The following PRUNE2 variants were observed in gnomAD, a reference collection of about 807,000 sequenced individuals.
The protein encoded by PRUNE2 is prune homolog 2 with BCH domain.
PRUNE2 carries 164 observed loss-of-function variants against 252.0 expected under a neutral mutation model. The observed-to-expected ratio is 0.65, with a 90% CI of 0.57 to 0.74. The LOEUF is 0.74. PRUNE2 is among the 30% of genes least tolerant of loss of function. PRUNE2 has a pLI of 0.00. For synonymous variants in PRUNE2, 1,292 were observed against 1,350.2 expected, an observed-to-expected ratio of 0.96 and a Z score of 0.94; for missense variants, 3,495 against 3,711.0, an observed-to-expected ratio of 0.94 and a Z score of 1.51.
At chr9:76,905,549 T>TC (rs1479488326) in intron 1 of PRUNE2, among the ~76,000 whole-genome samples, 2 of 152,232 alleles carry the variant, frequency 1.3e-5, no homozygotes, top group Non-Finnish European at 2.9e-5. Flanking sequence ...TCTCTTTTTT[T>TC]CCTTTTACAC....
intron 6 of PRUNE2, among the ~76,000 whole-genome samples, chr9:76,750,112 C>T (rs1469411188): frequency 2.6e-5 from 4 of 152,080 alleles, no homozygotes; most frequent in Non-Finnish European, 4.4e-5. Context: ...GGACCCTTCT[C>T]GACCCCTAGG....
At chr9:76,635,223 T>C (rs538805138) in intron 15 of PRUNE2, among the ~76,000 whole-genome samples, 4 of 152,272 alleles carry the variant, frequency 2.6e-5, no homozygotes. Flanking sequence ...CTGCCCGCCT[T>C]GGCCTCCCAA....
chr9:76,769,705 G>A (rs1448022766), intron 6 of PRUNE2, among the ~76,000 whole-genome samples: 4 of 152,184 alleles, frequency 2.6e-5, no homozygotes, highest in East Asian at 1.9e-4. Context: ...GATTACAGGC[G>A]TGAAACACTT....
At chr9:76,781,196 G>A (rs922250704) in intron 6 of PRUNE2, among the ~76,000 whole-genome samples, 9 of 152,098 alleles carry the variant, frequency 5.9e-5, no homozygotes, top group Admixed American at 2.0e-4. Context: ...TATTTGCATT[G>A]TTACCTGCTT....
chr9:76,611,416 A>G lies in PRUNE2; in HGVS notation c.*3154T>C, dbSNP rs1827404313. 6.6e-6 allele frequency: 1 copy of G among 152,248 alleles called. No homozygotes were observed. The highest frequency in any genetic ancestry group is 1.5e-5 in the Non-Finnish European group (1 of 68,050). 9.4% of individuals were successfully genotyped at this position (152,248 alleles called of 1,614,324 possible). On this transcript the variant is annotated 3_prime_UTR_variant, in exon 19 of 19. Coordinates refer to ENST00000376718, the MANE Select transcript of PRUNE2 (RefSeq NM_015225.3). ...TATTTCTGAATTATACAGTGAGGCT[A>G]TATAGATATATTGTGTCATTAAAGA... is the stretch of plus-strand genomic sequence containing the variant.
At chr9:76,851,259 A>G (rs1425803987) in intron 2 of PRUNE2, among the ~76,000 whole-genome samples, 1 of 152,132 alleles carries the variant, frequency 6.6e-6, no homozygotes, top group Non-Finnish European at 1.5e-5. Context: ...AAAACTTTAA[A>G]TTAACGGGCT....
chr9:76,626,859 A>C (rs114829948), intron 16 of PRUNE2, among the ~76,000 whole-genome samples: 124 of 152,284 alleles, frequency 8.1e-4, no homozygotes, highest in African/African-American at 2.8e-3. Flanking sequence ...GAGACTCAGA[A>C]TATTTTAATT....
intron 6 of PRUNE2, among the ~76,000 whole-genome samples, chr9:76,732,785 C>G (rs1352120509): frequency 6.6e-6 from 1 of 152,206 alleles, no homozygotes; most frequent in Admixed American, 6.5e-5. Context: ...AGACCTCCAG[C>G]AGCCACTGGA....
chr9:76,719,474 C>CT (rs1004141295), intron 6 of PRUNE2, among the ~76,000 whole-genome samples: 1 of 151,744 alleles, frequency 6.6e-6, no homozygotes, highest in Non-Finnish European at 1.5e-5. Context: ...CACTATCAAA[C>CT]TTTTTTTTAG....
chr9:76,760,726 C>T (rs1351317416), intron 6 of PRUNE2, among the ~76,000 whole-genome samples: 2 of 152,124 alleles, frequency 1.3e-5, no homozygotes, highest in African/African-American at 4.8e-5. Flanking sequence ...CTACTTCAAC[C>T]AAGCCGAAAA....
At chr9:76,889,327 G>A (rs2062314132) in intron 1 of PRUNE2, among the ~76,000 whole-genome samples, 1 of 125,890 alleles carries the variant, frequency 7.9e-6, no homozygotes, top group Non-Finnish European at 1.7e-5. Context: ...TCTGCATGGT[G>A]GCGTGACTGC....
chr9:76,794,761 T>C (rs2055920404), intron 6 of PRUNE2, among the ~76,000 whole-genome samples: 1 of 152,128 alleles, frequency 6.6e-6, no homozygotes, highest in African/African-American at 2.4e-5. Context: ...TCTCCAGGCC[T>C]CAGTCATCTG....
chr9:76,666,662 CA>C (rs1407655822), intron 9 of PRUNE2, among the ~76,000 whole-genome samples: 1 of 152,078 alleles, frequency 6.6e-6, no homozygotes, highest in African/African-American at 2.4e-5. Flanking sequence ...GCCTTGTATC[CA>C]ATAAATAACA....
intron 6 of PRUNE2, among the ~76,000 whole-genome samples, chr9:76,791,631 T>C (rs34755373): frequency 0.053 from 6,321 of 118,962 alleles, 788 homozygotes; most frequent in Non-Finnish European, 0.068. Flanking sequence ...CACCAATTAT[T>C]ATTGGTACAA....
chr9:76,710,604 C>G lies in PRUNE2; in HGVS notation c.1670G>C (p.Gly557Ala), dbSNP rs768036315. Reference protein sequence around the residue: ...SNYSSSSLLSGAGKDSLVEHD... With the variant: ...SNYSSSSLLSAAGKDSLVEHD... Reference sequence around the variant, plus strand: ...TTCCACAAGGCTATCTTTGCCAGCCCCTGACAAAAGTGAACTGGATGAATA... The same window carrying G: ...TTCCACAAGGCTATCTTTGCCAGCCGCTGACAAAAGTGAACTGGATGAATA... Residue 557 changes from glycine (G) to alanine (A), a missense_variant, in exon 8 of 19, where the codon GGG becomes GCG. Coordinates refer to ENST00000376718, the MANE Select transcript of PRUNE2 (RefSeq NM_015225.3). The G allele has an allele frequency of 6.2e-7, 1 of 1,613,618 alleles. No homozygotes were observed. The highest frequency in any genetic ancestry group is 8.5e-7 in the Non-Finnish European group (1 of 1,179,742).
chr9:76,655,599 A>G, intron 9 of PRUNE2, 97 bp from the exon 10 acceptor site: 2 of 888,298 alleles, frequency 2.3e-6, no homozygotes, highest in Admixed American at 4.1e-5. Context: ...AACATTTTCA[A>G]CTCACTTAAA....
At chr9:76,801,287 T>C (rs1036295398) in intron 6 of PRUNE2, among the ~76,000 whole-genome samples, 88 of 152,326 alleles carry the variant, frequency 5.8e-4, no homozygotes, top group African/African-American at 1.9e-3. Flanking sequence ...CAAGTGAAAC[T>C]GATTAGCAGT....
chr9:76,743,620 A>C (rs186497007), intron 6 of PRUNE2, among the ~76,000 whole-genome samples: 30 of 152,374 alleles, frequency 2.0e-4, no homozygotes, highest in Admixed American at 8.5e-4. Flanking sequence ...TATCATGTTA[A>C]TATTAAAAGA....
Position 76,829,962 on chromosome 9 carries a change from TAGAAAC to T in PRUNE2, c.509-3236_509-3231del, listed in dbSNP as rs1231983992. On this transcript the variant is annotated intron_variant, in intron 4 of 18. Coordinates refer to ENST00000376718, the MANE Select transcript of PRUNE2 (RefSeq NM_015225.3). ...AAGAATAAACTCATGAGGAAAAGAA[TAGAAAC>T]AGAATCAGAGGGGATTTTAAAAATA... Among the ~76,000 whole-genome samples the T allele has an allele frequency of 1.2e-4, 19 of 152,216 alleles. No homozygotes were observed. In the East Asian group the frequency reaches 3.3e-3, roughly 26 times the overall value.
Sources: allele counts gnomAD v4.1 joint callset (sites outside exome capture counted in the v4.1 genomes callset), GRCh38; gene constraint gnomAD v4.1.1; transcripts MANE v1.5; gene names NCBI Gene and HGNC (gene_info 2026-07-23, HGNC 2026-07-21).